Variants in RGL1 observed in about 807,000 individuals in gnomAD.
RGL1 encodes ral guanine nucleotide dissociation stimulator like 1.
In RGL1, 24 loss-of-function variants were observed where a neutral mutation model predicts 95.2. The ratio of observed to expected loss-of-function variants is 0.25; its 90% CI spans 0.18 to 0.35. The LOEUF (loss-of-function observed/expected upper bound fraction) is 0.35. RGL1 is among the 10% of genes least tolerant of loss of function. The probability of loss-of-function intolerance (pLI) is 1.00; values close to 1 mark genes in which losing one functional copy is unlikely to be tolerated. For synonymous variants in RGL1, 329 were observed against 344.9 expected (o/e 0.95, Z 0.51); for missense variants, 715 against 936.3 (o/e 0.76, Z 3.08).
intron 2 of RGL1, among the ~76,000 whole-genome samples, chr1:183,807,228 A>G (rs911504779): frequency 1.3e-5 from 2 of 152,186 alleles, no homozygotes; most frequent in Non-Finnish European, 2.9e-5. Context: ...AATGTCAAAC[A>G]TGTGGAAGAA....
intron 1 of RGL1, among the ~76,000 whole-genome samples, chr1:183,687,417 G>A (rs1272242247): frequency 6.6e-6 from 1 of 152,132 alleles, no homozygotes; most frequent in Admixed American, 6.5e-5. Flanking sequence ...TTTTCTCAGC[G>A]CTGTTTTGTA....
At chr1:183,870,053 T>A (rs1476188868) in intron 4 of RGL1, among the ~76,000 whole-genome samples, 2 of 152,172 alleles carry the variant, frequency 1.3e-5, no homozygotes, top group African/African-American at 4.8e-5. Flanking sequence ...AAGTTTCTTG[T>A]ATTGGTTCGA....
chr1:183,829,270 T>A (rs1038209057), intron 2 of RGL1, among the ~76,000 whole-genome samples: 1 of 151,852 alleles, frequency 6.6e-6, no homozygotes, highest in African/African-American at 2.4e-5. Flanking sequence ...TGAGACCTCG[T>A]CTCTATGAAA....
At chr1:183,848,274 C>A (rs1317613312) in intron 3 of RGL1, among the ~76,000 whole-genome samples, 1 of 152,106 alleles carries the variant, frequency 6.6e-6, no homozygotes, top group Non-Finnish European at 1.5e-5. Context: ...TAAGGATCTG[C>A]ACATAAATAT....
chr1:183,871,458 C>T (rs1426532134), intron 4 of RGL1, among the ~76,000 whole-genome samples: 1 of 152,158 alleles, frequency 6.6e-6, no homozygotes, highest in African/African-American at 2.4e-5. Context: ...GGGCAGTTGC[C>T]TTCAGTTTTG....
At chr1:183,686,213 A>C (rs1323162735) in intron 1 of RGL1, among the ~76,000 whole-genome samples, 2 of 152,174 alleles carry the variant, frequency 1.3e-5, no homozygotes, top group Non-Finnish European at 2.9e-5. Flanking sequence ...TCAAATTATA[A>C]AAGTAATATA....
At chr1:183,666,838 A>G (rs768190153) in intron 1 of RGL1, among the ~76,000 whole-genome samples, 38 of 152,332 alleles carry the variant, frequency 2.5e-4, no homozygotes, top group Non-Finnish European at 3.7e-4. Context: ...GAATGAAGTA[A>G]TTTATAAATG....
Position 183,884,775 on chromosome 1 carries a change from G to C in RGL1, c.788G>C (p.Arg263Pro). The C allele has an allele frequency of 6.2e-7, 1 of 1,614,042 alleles. No individual in the cohort carries two copies. Among genetic ancestry groups the C allele is most frequent in the Non-Finnish European group, 8.5e-7 (1 of 1,179,966 alleles). The change falls in exon 7 of 18, where the codon CGA becomes CCA. Residue 263 changes from arginine to proline, a missense_variant. This residue lies in a region of RGL1 where 381 missense variants were observed against 484.8 expected (regional missense o/e 0.79). Coordinates refer to ENST00000360851, the MANE Select transcript of RGL1 (RefSeq NM_001297671.3). ...PHHCLGCIWS[R>P]RDKKENKHLA... Reference sequence around the variant, plus strand: ...CACTGCCTGGGCTGCATTTGGTCTCGAAGGGATAAGAAGGAAAACAAACAT... The same window carrying C: ...CACTGCCTGGGCTGCATTTGGTCTCCAAGGGATAAGAAGGAAAACAAACAT...
In RGL1 at chr1:183,918,233, T is replaced by C. The variant is rs549295845; in HGVS notation, c.2004+1532T>C. On this transcript the variant is annotated intron_variant, in intron 16 of 17. Coordinates refer to ENST00000360851, the MANE Select transcript of RGL1 (RefSeq NM_001297671.3). ...ACATGGGCTGGTGCAAGGCTGGTGCTGAGATCAAATACTGGGAGTTGTCAA... is the reference window on the plus strand; with the variant it reads ...ACATGGGCTGGTGCAAGGCTGGTGCCGAGATCAAATACTGGGAGTTGTCAA... 2.0e-5 allele frequency among the ~76,000 whole-genome samples: 3 copies of C among 152,210 alleles called. 1 individual carries two copies. Among genetic ancestry groups the C allele is most frequent in the African/African-American group, 4.8e-5 (2 of 41,520 alleles).
intron 8 of RGL1, among the ~76,000 whole-genome samples, chr1:183,891,520 C>G (rs1231066203): frequency 6.6e-6 from 1 of 152,066 alleles, no homozygotes; most frequent in African/African-American, 2.4e-5. Flanking sequence ...AACTCACCAC[C>G]CCTGGTTGCA....
chr1:183,920,335 C>T (rs577383722), intron 16 of RGL1, among the ~76,000 whole-genome samples: 1 of 152,304 alleles, frequency 6.6e-6, no homozygotes, highest in East Asian at 1.9e-4. Flanking sequence ...CTCACCCGTC[C>T]TAAAAACTTT....
rs1050868682 is a variant in RGL1 at position 183,927,969 on chromosome 1, C to CTT, written c.*1679_*1680dup. On this transcript the variant is annotated 3_prime_UTR_variant, in exon 18 of 18. Coordinates refer to ENST00000360851, the MANE Select transcript of RGL1 (RefSeq NM_001297671.3). ...ACGGGCCAGGAAGTCCTCCAATTTC[C>CTT]TTTGGTCTTTCCAGGAGATTGGACT... is the stretch of plus-strand genomic sequence containing the variant. The CTT allele has an allele frequency of 1.1e-4, 17 of 152,520 alleles. No homozygotes were observed. The highest frequency in any genetic ancestry group is 6.5e-4 in the Admixed American group (10 of 15,274). The allele number at this position is 152,520 out of a possible 1,614,324, so 9.4% of individuals were successfully genotyped here. A position where few individuals can be genotyped will look rare whatever the true frequency, so the allele number is the denominator to read the frequency against.
intron 3 of RGL1, among the ~76,000 whole-genome samples, chr1:183,856,701 A>G (rs1665174148): frequency 1.3e-5 from 2 of 151,338 alleles, no homozygotes; most frequent in South Asian, 4.2e-4. Context: ...GATAAATTGG[A>G]CTTAGATCTT....
At chr1:183,924,657 A>G (rs1669508401) in intron 17 of RGL1, among the ~76,000 whole-genome samples, 1 of 152,018 alleles carries the variant, frequency 6.6e-6, no homozygotes, top group South Asian at 2.1e-4. Flanking sequence ...ACAAAAATAA[A>G]AGTGAGGCTG....
chr1:183,664,776 G>A (rs1375399511), intron 1 of RGL1, among the ~76,000 whole-genome samples: 2 of 152,048 alleles, frequency 1.3e-5, no homozygotes, highest in East Asian at 1.9e-4. Context: ...ATAGTTCCAG[G>A]AGTTTTTCGG....
At chr1:183,881,418 A>G (rs568789091) in intron 5 of RGL1, among the ~76,000 whole-genome samples, 1 of 152,330 alleles carries the variant, frequency 6.6e-6, no homozygotes, top group South Asian at 2.1e-4. Flanking sequence ...CTATTTGAAG[A>G]TTAACTTCCT....
chr1:183,853,935 G>A (rs1664981843), intron 3 of RGL1, among the ~76,000 whole-genome samples: 1 of 152,160 alleles, frequency 6.6e-6, no homozygotes, highest in East Asian at 1.9e-4. Flanking sequence ...TCACACAGTT[G>A]TGAGCAGTTC....
At chr1:183,659,083 T>C (rs955901024) in intron 1 of RGL1, among the ~76,000 whole-genome samples, 2 of 151,508 alleles carry the variant, frequency 1.3e-5, no homozygotes, top group African/African-American at 4.9e-5. Flanking sequence ...AGACCAAAAG[T>C]AGATAAAACC....
At chr1:183,844,654 A>G (rs138721411) in intron 2 of RGL1, among the ~76,000 whole-genome samples, 4 of 152,226 alleles carry the variant, frequency 2.6e-5, no homozygotes. Flanking sequence ...ATTCTAAACC[A>G]TATATCTTTT....
Sources: gnomAD v4.1 joint callset for allele counts (sites outside exome capture counted in the v4.1 genomes callset) on GRCh38, gnomAD v4.1.1 for gene constraint, gnomAD v4.1.1 regional missense constraint, MANE v1.5 for transcripts, NCBI Gene and HGNC (gene_info 2026-07-23, HGNC 2026-07-21) for gene names.